SLC28A2: variants seen among roughly 807,000 people sequenced by gnomAD.
SLC28A2 encodes the protein sodium/nucleoside cotransporter 2.
In SLC28A2, 69 loss-of-function variants were observed where a neutral mutation model predicts 72.9. The ratio of observed to expected loss-of-function variants is 0.95; its 90% CI spans 0.78 to 1.16. SLC28A2 has a LOEUF of 1.16. Among genes scored for constraint, SLC28A2 ranks in the 50% most tolerant of loss-of-function variants. The probability of loss-of-function intolerance (pLI) is 0.00; values close to 1 mark genes in which losing one functional copy is unlikely to be tolerated. For synonymous variants in SLC28A2, 296 were observed against 294.1 expected, an observed-to-expected ratio of 1.01 and a Z score of -0.07; for missense variants, 745 against 791.1, an observed-to-expected ratio of 0.94 and a Z score of 0.70.
rs145309707 is a variant in SLC28A2 at position 45,271,577 on chromosome 15, AAAGG to A, written c.1649-679_1649-676del. Among the ~76,000 whole-genome samples, 1,235 of 130,344 alleles carry A rather than the reference AAAGG, an allele frequency of 9.5e-3. 15 individuals carry two copies. The highest frequency in any genetic ancestry group is 0.037 in the East Asian group (170 of 4,572). The allele number at this position is 130,344 out of a possible 152,430, so 85.5% of individuals were successfully genotyped here. A position where few individuals can be genotyped will look rare whatever the true frequency, so the allele number is the denominator to read the frequency against. On this transcript the variant is annotated intron_variant, in intron 15 of 17. Transcript: ENST00000347644. Reference sequence around the variant, plus strand: ...GTCCTGTAGAAAGAAAAAAAGAAGAAAAGGAAGGAAGGAAGGAAGGAAGGAAGGA... The same window carrying A: ...GTCCTGTAGAAAGAAAAAAAGAAGAAAAGGAAGGAAGGAAGGAAGGAAGGA...
chr15:45,259,174 T>G (rs946968819), intron 3 of SLC28A2, among the ~76,000 whole-genome samples: 6 of 152,144 alleles, frequency 3.9e-5, no homozygotes, highest in African/African-American at 1.4e-4. Flanking sequence ...ATTTTATAAA[T>G]GATGAAATAC....
At chr15:45,254,342 C>G (rs918063917) in intron 3 of SLC28A2, among the ~76,000 whole-genome samples, 7 of 152,162 alleles carry the variant, frequency 4.6e-5, no homozygotes, top group African/African-American at 1.7e-4. Flanking sequence ...TCATGTATAT[C>G]AACGGTGTAT....
chr15:45,256,616 C>T (rs1292420093), intron 3 of SLC28A2, among the ~76,000 whole-genome samples: 2 of 151,938 alleles, frequency 1.3e-5, no homozygotes, highest in Admixed American at 1.3e-4. Flanking sequence ...ACCATCTTGG[C>T]CAGGCTGGTC....
In SLC28A2 at chr15:45,266,136, T is replaced by C. The variant is rs750716735; in HGVS notation, c.917T>C (p.Val306Ala). ...MGTTATETLA[V>A]AGNIFVGMTE... is the part of the protein sequence containing the mutation. ...ACCACTGCTACAGAGACCCTGGCTG[T>C]GGCAGGAAACATCTTTGTGGGTATG... The change falls in exon 10 of 18, where the codon GTG (valine) becomes GCG (alanine). Residue 306 changes from valine (V) to alanine (A), a missense_variant. Val to Ala is a moderately conservative substitution (Grantham distance 64, BLOSUM62 0). Transcript: ENST00000347644. 3 of 1,613,746 alleles carry C rather than the reference T, an allele frequency of 1.9e-6. No homozygotes were observed. In the African/African-American group the frequency reaches 4.0e-5, roughly 22 times the overall value.
rs1900771026 is a variant in SLC28A2, at chr15:45,277,001, T to C, written c.*1488T>C. The C allele has an allele frequency of 1.3e-5, 2 of 152,082 alleles. No homozygotes were observed. Among genetic ancestry groups the C allele is most frequent in the African/African-American group, 4.8e-5 (2 of 41,400 alleles). 9.4% of individuals were successfully genotyped at this position (152,082 alleles called of 1,614,324 possible). Reference sequence around the variant, plus strand: ...AGTGGGAAGGGGCCAATTTTGCTTTTCAGAGGACATCTGACAGTGTGTCTC... The same window carrying C: ...AGTGGGAAGGGGCCAATTTTGCTTTCCAGAGGACATCTGACAGTGTGTCTC... On this transcript the variant is annotated 3_prime_UTR_variant, in exon 18 of 18. Transcript: ENST00000347644.
rs1268325038 is a variant in SLC28A2 at position 45,264,870 on chromosome 15, G to C, written c.702+102G>C. 3.8e-6 allele frequency: 3 copies of C among 797,784 alleles called. No individual in the cohort carries two copies. In the African/African-American group the frequency reaches 5.1e-5, roughly 14 times the overall value. 49.4% of individuals were successfully genotyped at this position (797,784 alleles called of 1,614,324 possible). A position where few individuals can be genotyped will look rare whatever the true frequency, so the allele number is the denominator to read the frequency against. ...TTAGGCTGTATCTTGTTAATGATGTGGTGGAAGATCTGGTTGGGAAAGGAG... is the reference window on the plus strand; with the variant it reads ...TTAGGCTGTATCTTGTTAATGATGTCGTGGAAGATCTGGTTGGGAAAGGAG... On this transcript the variant is annotated intron_variant, in intron 7 of 17. Transcript: ENST00000347644.
intron 17 of SLC28A2, among the ~76,000 whole-genome samples, chr15:45,274,902 T>C (rs1178291037): frequency 2.0e-5 from 3 of 152,184 alleles, no homozygotes; most frequent in Non-Finnish European, 2.9e-5. Context: ...GGTTAATTTT[T>C]ACTTTTTGTA....
Position 45,263,912 on chromosome 15 carries a change from A to C in SLC28A2, c.478A>C (p.Ile160Leu). Reference sequence around the variant, plus strand: ...TGCAGGAGTCTCCTTGGTTGGCCTTATACTGTGGTTGGCTTTAGACACAGC... The same window carrying C: ...TGCAGGAGTCTCCTTGGTTGGCCTTCTACTGTGGTTGGCTTTAGACACAGC... ...VFAGVSLVGL[I>L]LWLALDTAQR... Residue 160 changes from isoleucine (I) to leucine (L), a missense_variant, in exon 6 of 18, where the codon ATA becomes CTA. Coordinates refer to ENST00000347644, the MANE Select transcript of SLC28A2 (RefSeq NM_004212.4). 6.2e-7 allele frequency: 1 copy of C among 1,613,316 alleles called. No individual in the cohort carries two copies. Among genetic ancestry groups the C allele is most frequent in the Non-Finnish European group, 8.5e-7 (1 of 1,179,666 alleles).
chr15:45,265,997 G>A, intron 9 of SLC28A2, 84 bp from the exon 10 acceptor site: 1 of 1,006,334 alleles, frequency 9.9e-7, no homozygotes, highest in Non-Finnish European at 1.6e-6. Context: ...TTCCTTATCA[G>A]TAAAGTGGAG....
chr15:45,253,306 A>G lies in SLC28A2; in HGVS notation c.81+10A>G. The G allele has an allele frequency of 6.2e-7, 1 of 1,608,466 alleles. No individual in the cohort carries two copies. Among genetic ancestry groups the G allele is most frequent in the Non-Finnish European group, 8.5e-7 (1 of 1,174,884 alleles). On this transcript the variant is annotated intron_variant, in intron 2 of 17. Coordinates refer to ENST00000347644, the MANE Select transcript of SLC28A2 (RefSeq NM_004212.4). ...GGGGCTGGAGCTCATGGTAATCACC[A>G]GTTTAGTTTCTCTCTGCAGAGCTGT...
intron 10 of SLC28A2, among the ~76,000 whole-genome samples, chr15:45,266,806 G>A (rs1038425769): frequency 1.3e-5 from 2 of 152,132 alleles, no homozygotes; most frequent in African/African-American, 4.8e-5. Context: ...TCCATAATCA[G>A]CCTAGTTTCC....
In SLC28A2 at chr15:45,267,785, G is replaced by A; in HGVS notation, c.1188G>A (p.Lys396=). Residue 396 remains lysine, a synonymous_variant, in exon 12 of 18, where the codon AAG becomes AAA. Coordinates refer to ENST00000347644, the MANE Select transcript of SLC28A2 (RefSeq NM_004212.4). ...ESKFKSEEGV[K]LPRGKERNVL... is the part of the protein sequence containing the mutation. ...AGTTCAAGAGTGAGGAGGGGGTAAA[G>A]CTGCCCCGTGGGTGAGTCCAAGGAG... 1 of 1,614,114 alleles carries A rather than the reference G, an allele frequency of 6.2e-7. No individual in the cohort carries two copies. Among genetic ancestry groups the A allele is most frequent in the Non-Finnish European group, 8.5e-7 (1 of 1,180,004 alleles).
At chr15:45,265,728 A>G in intron 9 of SLC28A2, 65 bp downstream of exon 9, 1 of 1,086,912 alleles carries the variant, frequency 9.2e-7, no homozygotes, top group Non-Finnish European at 1.4e-6. Flanking sequence ...AGCTTTGGAA[A>G]AATGCCCATA....
chr15:45,263,192 A>G lies in SLC28A2; in HGVS notation c.394A>G (p.Thr132Ala). The G allele has an allele frequency of 6.2e-7, 1 of 1,614,072 alleles. No homozygotes were observed. The highest frequency in any genetic ancestry group is 8.5e-7 in the Non-Finnish European group (1 of 1,179,972). ...GAAAAAGCTCCTGGGCAAAAAATTA[A>G]CAAGATGTCTGAAGCCCTTTGAAAA... ...FLKKLLGKKL[T>A]RCLKPFENSR... The change falls in exon 5 of 18, where the codon ACA becomes GCA. Residue 132 changes from threonine (T) to alanine (A), a missense_variant. Transcript: ENST00000347644.
At chr15:45,262,900 C>G (rs1900204468) in intron 4 of SLC28A2, among the ~76,000 whole-genome samples, 161 bp from the exon 5 acceptor site, 1 of 152,186 alleles carries the variant, frequency 6.6e-6, no homozygotes, top group Non-Finnish European at 1.5e-5. Flanking sequence ...AGACATCTAT[C>G]CTGGCCTCAA....
chr15:45,268,189 C>T, intron 12 of SLC28A2, 21 bp from the exon 13 acceptor site: 1 of 1,587,308 alleles, frequency 6.3e-7, no homozygotes, highest in Non-Finnish European at 8.6e-7. Context: ...CCTACTCTTG[C>T]CCTCTGCCCA....
intron 5 of SLC28A2, 129 bp from the exon 6 acceptor site, chr15:45,263,752 C>A: frequency 1.2e-6 from 1 of 834,250 alleles, no homozygotes; most frequent in Non-Finnish European, 1.8e-6. Context: ...GCAGCCACAG[C>A]TCTAACAATG....
Position 45,276,267 on chromosome 15 carries a change from G to A in SLC28A2, c.*754G>A, listed in dbSNP as rs900085100. 9.2e-5 allele frequency: 14 copies of A among 152,042 alleles called. No individual in the cohort carries two copies. Among genetic ancestry groups the A allele is most frequent in the African/African-American group, 3.4e-4 (14 of 41,390 alleles). 9.4% of individuals were successfully genotyped at this position (152,042 alleles called of 1,614,324 possible). ...ACACCACATGTTCTCACTCATAGAT[G>A]GGAATTGAACAATGAGAACACATGG... On this transcript the variant is annotated 3_prime_UTR_variant, in exon 18 of 18. Coordinates refer to ENST00000347644, the MANE Select transcript of SLC28A2 (RefSeq NM_004212.4).
At chr15:45,267,878 C>T (rs74966124) in intron 12 of SLC28A2, 82 bp downstream of exon 12, 174,101 of 1,473,006 alleles carry the variant, frequency 0.12, 12,347 homozygotes, top group Non-Finnish European at 0.14. Flanking sequence ...CTTCAAGTCT[C>T]CCTGAGGGGG....
Sources: allele counts gnomAD v4.1 joint callset (sites outside exome capture counted in the v4.1 genomes callset), GRCh38; gene constraint gnomAD v4.1.1; transcripts MANE v1.5; gene names NCBI Gene and HGNC (gene_info 2026-07-23, HGNC 2026-07-21).